UMODL1: variants seen among roughly 807,000 people sequenced by gnomAD.
The protein encoded by UMODL1 is uromodulin-like 1.
A neutral mutation model predicts 136.3 loss-of-function variants in UMODL1; 128 were observed. That is an observed-to-expected ratio of 0.94 (90% CI 0.81 to 1.09). The LOEUF (loss-of-function observed/expected upper bound fraction) is 1.09, where lower values mean the gene tolerates loss of function less well. UMODL1 is among the 50% of genes least tolerant of loss of function. The pLI, the probability that UMODL1 is intolerant of heterozygous loss-of-function variation, is 0.00. For missense variants in UMODL1, 1,766 were observed against 1,725.6 expected, an observed-to-expected ratio of 1.02 and a Z score of -0.41; for synonymous variants, 721 against 720.0, an observed-to-expected ratio of 1.00 and a Z score of -0.02.
chr21:42,126,918 CTG>C (rs1377183962), intron 18 of UMODL1, 86 bp from the exon 19 acceptor site: 2 of 1,063,966 alleles, frequency 1.9e-6, no homozygotes, highest in Admixed American at 3.4e-5. Flanking sequence ...TCCTCTGGAG[CTG>C]TGTTTTAGGG....
chr21:42,066,576 G>A (rs1191638752), upstream of UMODL1, among the ~76,000 whole-genome samples: 1 of 152,058 alleles, frequency 6.6e-6, no homozygotes, highest in Non-Finnish European at 1.5e-5. Flanking sequence ...TGGTTTCCTA[G>A]GGAGGCCAAA....
At chr21:42,063,499 C>T (rs1011773293) in intron 1 of UMODL1, among the ~76,000 whole-genome samples, 1 of 152,208 alleles carries the variant, frequency 6.6e-6, no homozygotes, top group African/African-American at 2.4e-5. Context: ...AGGTGAGCAG[C>T]CTTTCATGGG....
Position 42,121,106 on chromosome 21 carries a change from G to A in UMODL1, c.2709G>A (p.Arg903=). 2 of 1,613,790 alleles carry A rather than the reference G, an allele frequency of 1.2e-6. No individual in the cohort carries two copies. The highest frequency in any genetic ancestry group is 1.7e-5 in the Admixed American group (1 of 59,956). Residue 903 remains arginine (R), a synonymous_variant, in exon 16 of 23, where the codon AGG becomes AGA. Coordinates refer to ENST00000408910, the MANE Select transcript of UMODL1 (RefSeq NM_001004416.3). ...TFIQDYDECE[R]KEDDCVPGTS... ...GTGCAGATTACGATGAGTGTGAAAG[G>A]AAGGAGGACGACTGTGTGCCGGGGA...
chr21:42,108,529 A>G (rs2066756956), intron 9 of UMODL1: 1 of 388,554 alleles, frequency 2.6e-6, no homozygotes, highest in Admixed American at 2.9e-5. Flanking sequence ...TTCTTTGCCC[A>G]GAACTGAACT....
At position 42,137,427 on chromosome 21, in the gene UMODL1, C is replaced by T. The variant is rs756498980; in HGVS notation, c.3776-12C>T. ...GTGCAGATCTCTCACCTGTGCCTGT[C>T]TCCTCCCCGAGGTGAGCCTCCTCAT... On this transcript the variant is annotated splice_polypyrimidine_tract_variant and intron_variant, in intron 21 of 22. Transcript: ENST00000408910. The T allele has an allele frequency of 1.2e-6, 2 of 1,613,824 alleles. No homozygotes were observed. The highest frequency in any genetic ancestry group is 1.7e-6 in the Non-Finnish European group (2 of 1,179,856).
At position 42,095,898 on chromosome 21, in the gene UMODL1, T is replaced by A. The variant is rs368578234; in HGVS notation, c.932-3028T>A. 2.6e-5 allele frequency among the ~76,000 whole-genome samples: 4 copies of A among 152,116 alleles called. No homozygotes were observed. In the South Asian group the frequency reaches 8.3e-4, roughly 32 times the overall value. On this transcript the variant is annotated intron_variant, in intron 6 of 22. Transcript: ENST00000408910. ...ACCCAGGAAACATTACCTGTAACCA[T>A]GTCGCTGATAGCTTGGCTGGTTTGT... is the stretch of plus-strand genomic sequence containing the variant.
chr21:42,093,935 C>A, intron 6 of UMODL1: 1 of 456,756 alleles, frequency 2.2e-6, no homozygotes, highest in Admixed American at 2.3e-5. Flanking sequence ...CCCCACTAAG[C>A]TCTGCAGAGA....
intron 2 of UMODL1, among the ~76,000 whole-genome samples, chr21:42,081,580 A>T (rs9977701): frequency 0.032 from 4,812 of 152,308 alleles, 101 homozygotes; most frequent in African/African-American, 0.058. Context: ...TCTGGTGATT[A>T]GGCAACTATT....
chr21:42,111,715 G>A lies in UMODL1; in HGVS notation c.2104+5G>A, dbSNP rs1250395021. On this transcript the variant is annotated splice_donor_5th_base_variant and intron_variant, in intron 12 of 22. Coordinates refer to ENST00000408910, the MANE Select transcript of UMODL1 (RefSeq NM_001004416.3). ...CTCTGAAGACCCCCGCCTGTGGTGA[G>A]TTCCTCGAATGGTGCATGGGGACTA... 2 of 1,606,644 alleles carry A rather than the reference G, an allele frequency of 1.2e-6. No individual in the cohort carries two copies. Among genetic ancestry groups the A allele is most frequent in the Non-Finnish European group, 8.5e-7 (1 of 1,176,066 alleles).
At chr21:42,065,724 G>C (rs535795755) in intron 1 of UMODL1, among the ~76,000 whole-genome samples, 2 of 151,976 alleles carry the variant, frequency 1.3e-5, no homozygotes, top group African/African-American at 2.4e-5. Flanking sequence ...AGTGGAGAGG[G>C]GGTTTCACCA....
At chr21:42,135,145 C>G (rs2067188564) in intron 21 of UMODL1, among the ~76,000 whole-genome samples, 1 of 152,264 alleles carries the variant, frequency 6.6e-6, no homozygotes, top group African/African-American at 2.4e-5. Context: ...GCATCGTGGA[C>G]TGACATGTGG....
chr21:42,080,715 C>T (rs1044027469), intron 2 of UMODL1, among the ~76,000 whole-genome samples: 13 of 152,234 alleles, frequency 8.5e-5, no homozygotes, highest in South Asian at 2.1e-4. Flanking sequence ...CTGCTGCTCA[C>T]GAATAACCAC....
intron 6 of UMODL1, among the ~76,000 whole-genome samples, chr21:42,091,068 C>T (rs187480935): frequency 3.9e-5 from 6 of 152,324 alleles, no homozygotes; most frequent in Admixed American, 2.0e-4. Context: ...CTAACCGGCA[C>T]AGAATACACT....
chr21:42,109,239 CAAAG>C (rs2066779990), intron 9 of UMODL1, among the ~76,000 whole-genome samples: 1 of 152,224 alleles, frequency 6.6e-6, no homozygotes, highest in Admixed American at 6.5e-5. Flanking sequence ...GTTGGCACAT[CAAAG>C]AGAGAGGAGA....
chr21:42,126,218 C>A, intron 17 of UMODL1, 127 bp from the exon 18 acceptor site: 1 of 1,375,644 alleles, frequency 7.3e-7, no homozygotes, highest in Non-Finnish European at 9.7e-7. Flanking sequence ...GCCAGGATCT[C>A]GATGCTGCTG....
intron 7 of UMODL1, among the ~76,000 whole-genome samples, chr21:42,100,483 C>T (rs1285161099): frequency 6.6e-6 from 1 of 152,010 alleles, no homozygotes. Context: ...TCAAGCACCC[C>T]GGCCACCCTC....
intron 21 of UMODL1, among the ~76,000 whole-genome samples, chr21:42,130,209 A>G (rs774170868): frequency 4.8e-5 from 7 of 145,304 alleles, no homozygotes; most frequent in Non-Finnish European, 4.6e-5. Context: ...AGCTATAATC[A>G]GGCCATGTCA....
intron 8 of UMODL1, 61 bp downstream of exon 8, chr21:42,102,339 CA>C: frequency 8.1e-7 from 1 of 1,239,974 alleles, no homozygotes; most frequent in African/African-American, 1.5e-5. Context: ...ACATCAAACA[CA>C]AGCCGTTAAT....
chr21:42,071,278 T>C (rs200548782), upstream of UMODL1: 7 of 1,480,946 alleles, frequency 4.7e-6, no homozygotes, highest in African/African-American at 1.0e-4. Flanking sequence ...GGCTTCTTGG[T>C]AGAGGCCCAG....
Sources: allele counts gnomAD v4.1 joint callset (sites outside exome capture counted in the v4.1 genomes callset), GRCh38; gene constraint gnomAD v4.1.1; transcripts MANE v1.5; gene names NCBI Gene and HGNC (gene_info 2026-07-23, HGNC 2026-07-21).